GRAMD1B: variants seen among roughly 807,000 people sequenced by gnomAD.
The protein encoded by GRAMD1B is GRAM domain containing 1B, also known as protein Aster-B.
A neutral mutation model predicts 99.7 loss-of-function variants in GRAMD1B; 37 were observed. The ratio of observed to expected loss-of-function variants is 0.37; its 90% CI spans 0.29 to 0.49. The LOEUF (loss-of-function observed/expected upper bound fraction) is 0.49. Among genes scored for constraint, GRAMD1B ranks in the 20% least tolerant of loss-of-function variants. The probability of loss-of-function intolerance (pLI) is 0.98; values close to 1 mark genes in which losing one functional copy is unlikely to be tolerated. For synonymous variants in GRAMD1B, 427 were observed against 387.6 expected, an observed-to-expected ratio of 1.10 and a Z score of -1.19; for missense variants, 888 against 1,009.2, an observed-to-expected ratio of 0.88 and a Z score of 1.63.
intron 2 of GRAMD1B, among the ~76,000 whole-genome samples, chr11:123,512,534 C>A (rs979682027): frequency 4.6e-5 from 7 of 152,076 alleles, no homozygotes; most frequent in African/African-American, 1.7e-4. Context: ...AGAGACGAAT[C>A]ATTCCTTTTT....
At chr11:123,398,040 G>A (rs1426145718) in intron 1 of GRAMD1B, among the ~76,000 whole-genome samples, 1 of 152,114 alleles carries the variant, frequency 6.6e-6, no homozygotes, top group Admixed American at 6.5e-5. Context: ...AAACTGCTAA[G>A]AACATTTAGG....
intron 2 of GRAMD1B, 103 bp from the exon 3 acceptor site, chr11:123,577,264 G>T: frequency 2.1e-6 from 2 of 965,160 alleles, no homozygotes; most frequent in Non-Finnish European, 1.6e-6. Context: ...CTGGCTCCCT[G>T]AGCTGGCTCC....
chr11:123,411,205 C>T (rs528625361), intron 1 of GRAMD1B, among the ~76,000 whole-genome samples: 18 of 151,998 alleles, frequency 1.2e-4, no homozygotes, highest in African/African-American at 4.1e-4. Context: ...GGTATTTCAC[C>T]GTGTTAGCCA....
At chr11:123,549,490 C>T (rs1003256695) in intron 2 of GRAMD1B, among the ~76,000 whole-genome samples, 4 of 151,800 alleles carry the variant, frequency 2.6e-5, no homozygotes, top group African/African-American at 9.7e-5. Context: ...TGCAGTGAGC[C>T]GAGATCGTGC....
At position 123,492,892 on chromosome 11, in the gene GRAMD1B, A is replaced by ACACACACG. The variant is rs946657451; in HGVS notation, c.452+12002_452+12003insACACGCAC. Among the ~76,000 whole-genome samples the ACACACACG allele has an allele frequency of 1.9e-4, 29 of 151,734 alleles. No homozygotes were observed. The highest frequency in any genetic ancestry group is 7.0e-4 in the African/African-American group (29 of 41,224). On this transcript the variant is annotated intron_variant, in intron 2 of 19. Coordinates refer to ENST00000635736, the MANE Select transcript of GRAMD1B (RefSeq NM_001387025.1). This position sits in a 1 kb window ranked among gnomAD's most constrained non-coding sequence, Gnocchi z 4.2. ...CACACACACACACACACACACACACACACGCATAGGCATAGATGCCTGTGA... is the reference window on the plus strand; with the variant it reads ...CACACACACACACACACACACACACACACACACGCACGCATAGGCATAGATGCCTGTGA...
chr11:123,464,617 C>T (rs555667593), intron 1 of GRAMD1B, among the ~76,000 whole-genome samples: 1 of 152,136 alleles, frequency 6.6e-6, no homozygotes, highest in South Asian at 2.1e-4. Flanking sequence ...CAACCCAGGC[C>T]CCCTGAATCA....
intron 2 of GRAMD1B, among the ~76,000 whole-genome samples, chr11:123,508,510 G>A (rs1940656522): frequency 6.6e-6 from 1 of 152,166 alleles, no homozygotes; most frequent in Non-Finnish European, 1.5e-5. Flanking sequence ...CTGTACAAAT[G>A]AGAGTTGTCA....
At chr11:123,570,596 G>A (rs1198825025) in intron 2 of GRAMD1B, among the ~76,000 whole-genome samples, 1 of 151,624 alleles carries the variant, frequency 6.6e-6, no homozygotes, top group East Asian at 1.9e-4. Context: ...GCTTATTTTT[G>A]TATTTTCAGT....
rs1955565288 is a variant in GRAMD1B at position 123,627,524 on chromosome 11, G to A, written c.*4929G>A. On this transcript the variant is annotated 3_prime_UTR_variant, in exon 20 of 20. Coordinates refer to ENST00000635736, the MANE Select transcript of GRAMD1B (RefSeq NM_001387025.1). ...TGGGGTGGAGTGGGGTGAGGCAGAG[G>A]GAGCAGCCCCAACACCTGCACTGGG... The A allele has an allele frequency of 1.3e-5, 2 of 152,528 alleles. No homozygotes were observed. The highest frequency in any genetic ancestry group is 1.5e-5 in the Non-Finnish European group (1 of 68,178). The allele number at this position is 152,528 out of a possible 1,614,324, so 9.4% of individuals were successfully genotyped here.
chr11:123,445,512 C>A (rs796340477), intron 1 of GRAMD1B, among the ~76,000 whole-genome samples: 6 of 151,914 alleles, frequency 3.9e-5, no homozygotes, highest in African/African-American at 1.4e-4. Context: ...CAGAAAATAT[C>A]ACTTTAAAAA....
At chr11:123,541,177 T>C (rs567581373) in intron 2 of GRAMD1B, among the ~76,000 whole-genome samples, 45 of 152,296 alleles carry the variant, frequency 3.0e-4, no homozygotes, top group African/African-American at 8.9e-4. Flanking sequence ...AGTTTCTCCA[T>C]GTTGGTCAGG....
At position 123,364,690 on chromosome 11, in the gene GRAMD1B, T is replaced by C. The variant is rs541958966; in HGVS notation, c.-176+5891T>C. Among the ~76,000 whole-genome samples the C allele has an allele frequency of 2.0e-5, 3 of 152,278 alleles. No individual in the cohort carries two copies. The East Asian group carries it at 5.8e-4, about 29-fold the overall frequency. ...CTTCCCAGATACAAGGCTCCATCTT[T>C]CAGGTCTCTCTGCTCAGCCATGCTC... On this transcript the variant is annotated intron_variant, in intron 1 of 20. Coordinates refer to the GRAMD1B transcript ENST00000638157.
At chr11:123,456,359 T>C (rs1474157292) in intron 1 of GRAMD1B, among the ~76,000 whole-genome samples, 1 of 143,960 alleles carries the variant, frequency 6.9e-6, no homozygotes, top group East Asian at 2.2e-4. Flanking sequence ...AGCATTGGTG[T>C]TGTGGAAAGA....
intron 2 of GRAMD1B, among the ~76,000 whole-genome samples, chr11:123,571,608 A>G (rs1246237248): frequency 6.6e-6 from 1 of 152,100 alleles, no homozygotes; most frequent in South Asian, 2.1e-4. Context: ...GGGGAAATGA[A>G]TGAATGACCT....
rs1955408912 is a variant in GRAMD1B at position 123,624,884 on chromosome 11, C to G, written c.*2289C>G. On this transcript the variant is annotated 3_prime_UTR_variant, in exon 20 of 20. Coordinates refer to ENST00000635736, the MANE Select transcript of GRAMD1B (RefSeq NM_001387025.1). ...GAGTTGTTCTGCTTCTGCTTTACCT[C>G]TCAGGACCATTCCCAGGAGGAAAAG... 6.6e-6 allele frequency: 1 copy of G among 152,166 alleles called. No individual in the cohort carries two copies. Among genetic ancestry groups the G allele is most frequent in the Non-Finnish European group, 1.5e-5 (1 of 68,040 alleles). The allele number at this position is 152,166 out of a possible 1,614,324, so 9.4% of individuals were successfully genotyped here.
chr11:123,586,716 A>T (rs1950115326), intron 4 of GRAMD1B, among the ~76,000 whole-genome samples: 1 of 152,052 alleles, frequency 6.6e-6, no homozygotes, highest in African/African-American at 2.4e-5. Context: ...TGCTGCTTTG[A>T]CCTGGTTTTC....
intron 2 of GRAMD1B, among the ~76,000 whole-genome samples, chr11:123,503,845 C>G (rs1016448399): frequency 6.6e-6 from 1 of 152,170 alleles, no homozygotes; most frequent in Non-Finnish European, 1.5e-5. Context: ...CCACCCCCAG[C>G]CAAATTTTAC....
At chr11:123,552,609 CG>C (rs1281685671) in intron 2 of GRAMD1B, among the ~76,000 whole-genome samples, 1 of 152,118 alleles carries the variant, frequency 6.6e-6, no homozygotes, top group African/African-American at 2.4e-5. Context: ...TAAATGTAAT[CG>C]GGTTGAGTTA....
intron 3 of GRAMD1B, among the ~76,000 whole-genome samples, chr11:123,579,696 C>T (rs1949123555): frequency 6.6e-6 from 1 of 152,108 alleles, no homozygotes; most frequent in Admixed American, 6.5e-5. Context: ...CATCAGGCTC[C>T]CCACTCCCTG....
Sources: allele counts gnomAD v4.1 joint callset (sites outside exome capture counted in the v4.1 genomes callset), GRCh38; gene constraint gnomAD v4.1.1; non-coding constraint Gnocchi (gnomAD v3.1); transcripts MANE v1.5; gene names NCBI Gene and HGNC (gene_info 2026-07-23, HGNC 2026-07-21).